REEP1: variants seen among roughly 807,000 people sequenced by gnomAD.
REEP1 encodes receptor expression-enhancing protein 1.
In REEP1, 22 loss-of-function variants were observed where a neutral mutation model predicts 40.3. That is an observed-to-expected ratio of 0.55 (90% CI 0.39 to 0.78). The LOEUF (loss-of-function observed/expected upper bound fraction) is 0.78, where lower values mean the gene tolerates loss of function less well. Ranked by LOEUF, REEP1 falls within the 30% of genes least tolerant of loss-of-function variation. The pLI is 0.00. For missense variants in REEP1, 280 were observed against 361.1 expected, an observed-to-expected ratio of 0.78 and a Z score of 1.82; for synonymous variants, 116 against 139.2, an observed-to-expected ratio of 0.83 and a Z score of 1.17.
intron 5 of REEP1, among the ~76,000 whole-genome samples, chr2:86,243,036 A>G (rs1484426462): frequency 2.0e-5 from 3 of 152,112 alleles, no homozygotes; most frequent in Non-Finnish European, 4.4e-5. Flanking sequence ...AACAAGGGAG[A>G]TATTCAGCAG....
chr2:86,232,980 T>A (rs1675114355), intron 5 of REEP1, among the ~76,000 whole-genome samples, 178 bp from the exon 6 acceptor site: 2 of 152,138 alleles, frequency 1.3e-5, no homozygotes, highest in South Asian at 4.1e-4. Flanking sequence ...ATCCCGGAAT[T>A]TTCCAGGGCC....
At chr2:86,246,655 T>C (rs1675971154) in intron 5 of REEP1, among the ~76,000 whole-genome samples, 1 of 152,112 alleles carries the variant, frequency 6.6e-6, no homozygotes, top group South Asian at 2.1e-4. Flanking sequence ...TGTTCAGTGG[T>C]TCGTCTCACT....
intron 2 of REEP1, among the ~76,000 whole-genome samples, chr2:86,268,816 G>A (rs528770032): frequency 6.6e-6 from 1 of 152,272 alleles, no homozygotes; most frequent in Admixed American, 6.5e-5. Context: ...CCCAGAAATA[G>A]ACCCACGCAA....
rs1048885169 is a variant in REEP1 at position 86,237,810 on chromosome 2, G to A, written c.418-5008C>T. On this transcript the variant is annotated intron_variant, in intron 5 of 8. Transcript: ENST00000538924. ...AGTGCTGGAACAGGTGTGAGCCACC[G>A]TGCCCAGCTGTGTTCCTTTTAATGT... 3.3e-5 allele frequency among the ~76,000 whole-genome samples: 5 copies of A among 152,166 alleles called. No homozygotes were observed. The East Asian group carries it at 7.7e-4, about 24-fold the overall frequency.
At chr2:86,242,494 G>C (rs999234984) in intron 5 of REEP1, among the ~76,000 whole-genome samples, 1 of 150,048 alleles carries the variant, frequency 6.7e-6, no homozygotes, top group South Asian at 2.1e-4. Flanking sequence ...CTTCATGGAG[G>C]AGACGGCATT....
intron 1 of REEP1, among the ~76,000 whole-genome samples, chr2:86,329,554 C>T (rs1680669765): frequency 6.6e-6 from 1 of 152,114 alleles, no homozygotes; most frequent in African/African-American, 2.4e-5. Flanking sequence ...AATCCCAGGT[C>T]CAAGGTCCAC....
intron 8 of REEP1, 65 bp downstream of exon 8, chr2:86,219,905 C>T: frequency 8.3e-7 from 1 of 1,203,666 alleles, no homozygotes; most frequent in Non-Finnish European, 1.0e-6. Flanking sequence ...TCCCAGGACC[C>T]CCAATCTCCA....
At chr2:86,258,528 C>T (rs552454634) in intron 3 of REEP1, among the ~76,000 whole-genome samples, 9 of 152,192 alleles carry the variant, frequency 5.9e-5, no homozygotes, top group South Asian at 4.1e-4. Flanking sequence ...AGTGTAGGGG[C>T]GTGGGATGGA....
intron 5 of REEP1, among the ~76,000 whole-genome samples, chr2:86,249,259 C>CA (rs34241108): frequency 0.31 from 44,467 of 141,582 alleles, 7,671 homozygotes; most frequent in Middle Eastern, 0.42. Flanking sequence ...GACTACATCT[C>CA]AAAAAAAAAA....
chr2:86,227,240 C>T, intron 7 of REEP1, 123 bp downstream of exon 7: 1 of 733,570 alleles, frequency 1.4e-6, no homozygotes, highest in Non-Finnish European at 1.9e-6. Context: ...GGGTTAACCT[C>T]CTGACCCCTC....
At chr2:86,243,793 T>C (rs1056394458) in intron 5 of REEP1, among the ~76,000 whole-genome samples, 2 of 152,236 alleles carry the variant, frequency 1.3e-5, no homozygotes, top group African/African-American at 4.8e-5. Context: ...GAATTCTAAA[T>C]ATTAACTTCA....
chr2:86,226,889 T>C (rs140194490), intron 7 of REEP1, among the ~76,000 whole-genome samples: 14 of 152,142 alleles, frequency 9.2e-5, no homozygotes, highest in Non-Finnish European at 1.3e-4. Flanking sequence ...TTCCAACAAA[T>C]AGAATAAGGC....
chr2:86,282,295 T>C, intron 1 of REEP1, 53 bp from the exon 2 acceptor site: 2 of 1,351,362 alleles, frequency 1.5e-6, no homozygotes, highest in South Asian at 1.2e-5. Flanking sequence ...TCTTATTTAA[T>C]GGAAAATGTC....
chr2:86,300,221 C>T (rs1260608905), intron 1 of REEP1, among the ~76,000 whole-genome samples: 1 of 152,190 alleles, frequency 6.6e-6, no homozygotes, highest in African/African-American at 2.4e-5. Flanking sequence ...CTCCTTGGTC[C>T]AGTCCAAATT....
intron 1 of REEP1, among the ~76,000 whole-genome samples, chr2:86,324,376 T>C (rs1179147899): frequency 1.3e-5 from 2 of 152,150 alleles, no homozygotes; most frequent in Non-Finnish European, 2.9e-5. Context: ...GAATGGCCAA[T>C]AAACATATGA....
chr2:86,308,598 G>A (rs1679615123), intron 1 of REEP1, among the ~76,000 whole-genome samples: 1 of 152,172 alleles, frequency 6.6e-6, no homozygotes, highest in East Asian at 1.9e-4. Context: ...ACCGCCCTGG[G>A]TCTGCTTCCC....
chr2:86,318,360 C>G (rs1443940547), intron 1 of REEP1, among the ~76,000 whole-genome samples: 1 of 148,952 alleles, frequency 6.7e-6, no homozygotes, highest in Admixed American at 6.7e-5. Flanking sequence ...CATTATTTTG[C>G]TTTTTTTCTG....
intron 1 of REEP1, among the ~76,000 whole-genome samples, chr2:86,328,745 G>T (rs1019343647): frequency 2.0e-5 from 3 of 152,220 alleles, no homozygotes; most frequent in Non-Finnish European, 2.9e-5. Flanking sequence ...TGTGACAGGG[G>T]TGTGGCTTGC....
chr2:86,251,915 G>A, intron 5 of REEP1, 42 bp downstream of exon 5: 1 of 1,354,216 alleles, frequency 7.4e-7, no homozygotes, highest in South Asian at 1.2e-5. Flanking sequence ...GCACACTAGA[G>A]GGACTGAGAC....
Sources: allele counts gnomAD v4.1 joint callset (sites outside exome capture counted in the v4.1 genomes callset), GRCh38; gene constraint gnomAD v4.1.1; transcripts MANE v1.5; gene names NCBI Gene and HGNC (gene_info 2026-07-23, HGNC 2026-07-21).